Variants in MYLK observed in about 807,000 individuals in gnomAD.
MYLK encodes myosin light chain kinase, smooth muscle.
A neutral mutation model predicts 203.4 loss-of-function variants in MYLK; 106 were observed. The observed-to-expected ratio is 0.52, with a 90% CI of 0.45 to 0.61. The LOEUF is 0.61. Among genes scored for constraint, MYLK ranks in the 20% least tolerant of loss-of-function variants. The pLI is 0.00. For missense variants in MYLK, 2,072 were observed against 2,442.3 expected (o/e 0.85, Z 3.20); for synonymous variants, 867 against 959.5 (o/e 0.90, Z 1.78).
chr3:123,725,359 A>T (rs1287005848), intron 12 of MYLK, among the ~76,000 whole-genome samples: 2 of 152,216 alleles, frequency 1.3e-5, no homozygotes, highest in Non-Finnish European at 2.9e-5. Flanking sequence ...TAAAAAGAAA[A>T]GGGTGATAAT....
In MYLK at chr3:123,732,956, T is replaced by C. The variant is rs771299009; in HGVS notation, c.1456A>G (p.Ser486Gly). The change falls in exon 11 of 34, where the codon AGC (serine) becomes GGC (glycine). Residue 486 changes from serine (S) to glycine (G), a missense_variant. Ser to Gly is a moderately conservative substitution (Grantham distance 56). This residue lies in a region of MYLK where 683 missense variants were observed against 643.8 expected (regional missense o/e 1.06). Transcript: ENST00000360304. Reference sequence around the variant, plus strand: ...CCTTGGGCGTTGGAAGCAGTGCAGCTGTATGTCCCACTGTCCCTGGTCCGG... The same window carrying C: ...CCTTGGGCGTTGGAAGCAGTGCAGCCGTATGTCCCACTGTCCCTGGTCCGG... The part of the protein sequence containing the change: ...KARTRDSGTY[S>G]CTASNAQGQL... 5.0e-6 allele frequency: 8 copies of C among 1,614,188 alleles called. No homozygotes were observed. Among genetic ancestry groups the C allele is most frequent in the Non-Finnish European group, 5.9e-6 (7 of 1,180,038 alleles).
intron 2 of MYLK, among the ~76,000 whole-genome samples, chr3:123,851,927 C>G (rs1200850618): frequency 1.3e-5 from 2 of 152,136 alleles, no homozygotes; most frequent in African/African-American, 4.8e-5. Context: ...CAATCAATAC[C>G]TAAATTACTG....
intron 29 of MYLK, among the ~76,000 whole-genome samples, chr3:123,637,233 C>T (rs1295805358): frequency 6.6e-6 from 1 of 152,214 alleles, no homozygotes; most frequent in Non-Finnish European, 1.5e-5. Context: ...CGTCCGCACC[C>T]TGGGGCTTCA....
At chr3:123,859,161 C>T (rs2031676291) in intron 2 of MYLK, among the ~76,000 whole-genome samples, 1 of 152,148 alleles carries the variant, frequency 6.6e-6, no homozygotes, top group Non-Finnish European at 1.5e-5. Context: ...AAGAGTTCTG[C>T]ATTCTAATGG....
rs1361739212 is a variant in MYLK, at chr3:123,629,591, T to C, written c.4997A>G (p.Asp1666Gly). 3.2e-5 allele frequency: 51 copies of C among 1,614,000 alleles called. No individual in the cohort carries two copies. The highest frequency in any genetic ancestry group is 4.2e-5 in the Non-Finnish European group (50 of 1,180,028). ...SGLSPFMGDN[D>G]NETLANVTSA... ...GGTAACGTTGGCCAAGGTTTCGTTA[T>C]CGTTGTCTCCCATGAAGGGGGAAAG... The change falls in exon 30 of 34, where the codon GAT (aspartate) becomes GGT (glycine). Residue 1666 changes from aspartate (D) to glycine (G), a missense_variant. By Grantham distance (94) the Asp-to-Gly change is moderately conservative. Transcript: ENST00000360304. This position sits in a 1 kb window ranked among gnomAD's most constrained non-coding sequence, Gnocchi z 4.4.
At chr3:123,649,704 C>T (rs1001939142) in intron 24 of MYLK, among the ~76,000 whole-genome samples, 1 of 152,172 alleles carries the variant, frequency 6.6e-6, no homozygotes, top group Non-Finnish European at 1.5e-5. Flanking sequence ...CATGGTCTCT[C>T]CTTTCTTATA....
chr3:123,820,635 CTT>C (rs1402018542), intron 3 of MYLK, among the ~76,000 whole-genome samples: 4 of 142,774 alleles, frequency 2.8e-5, no homozygotes, highest in East Asian at 2.0e-4. Flanking sequence ...TCCTTCCTTC[CTT>C]CCTTCCCTCC....
At chr3:123,683,544 C>T (rs914520685) in intron 19 of MYLK, among the ~76,000 whole-genome samples, 3 of 152,168 alleles carry the variant, frequency 2.0e-5, no homozygotes, top group South Asian at 2.1e-4. Context: ...TTAGGCCCCT[C>T]GCCTTCTCCA....
At chr3:123,732,123 G>T (rs901555637) in intron 11 of MYLK, among the ~76,000 whole-genome samples, 1 of 152,228 alleles carries the variant, frequency 6.6e-6, no homozygotes, top group East Asian at 1.9e-4. Flanking sequence ...TTTCTCAAGG[G>T]TATGGCATGG....
intron 2 of MYLK, among the ~76,000 whole-genome samples, chr3:123,863,656 C>T (rs537437026): frequency 6.6e-6 from 1 of 152,246 alleles, no homozygotes; most frequent in Non-Finnish European, 1.5e-5. Context: ...TAATAGGATA[C>T]TGCCATAGCA....
At chr3:123,837,211 T>C (rs1278698837) in intron 2 of MYLK, among the ~76,000 whole-genome samples, 2 of 152,062 alleles carry the variant, frequency 1.3e-5, no homozygotes, top group Non-Finnish European at 2.9e-5. Context: ...TTTGCACTTT[T>C]AGTAGACACA....
intron 16 of MYLK, among the ~76,000 whole-genome samples, chr3:123,704,402 C>T (rs1173314223): frequency 2.6e-5 from 4 of 152,124 alleles, no homozygotes; most frequent in African/African-American, 7.2e-5. Flanking sequence ...AAATCAGGGC[C>T]GGGGCTGAAG....
chr3:123,721,197 T>C (rs2062073959), intron 13 of MYLK, among the ~76,000 whole-genome samples: 4 of 152,228 alleles, frequency 2.6e-5, no homozygotes, highest in Admixed American at 2.6e-4. Flanking sequence ...AGACAGTGGC[T>C]ACTCATACAA....
Position 123,737,444 on chromosome 3 carries a change from C to T in MYLK, c.688G>A (p.Val230Met), listed in dbSNP as rs1216837997. The T allele has an allele frequency of 6.2e-7, 1 of 1,614,218 alleles. No homozygotes were observed. ...CCGTTCACCACCAGGCACGTGTACACTCCCACGTCATCTTGGTTGACTCCA... is the reference window on the plus strand; with the variant it reads ...CCGTTCACCACCAGGCACGTGTACATTCCCACGTCATCTTGGTTGACTCCA... ...IHGVNQDDVG[V>M]YTCLVVNGSG... is the part of the protein sequence containing the mutation. Residue 230 changes from valine to methionine, a missense_variant, in exon 8 of 34, where the codon GTG becomes ATG. Coordinates refer to ENST00000360304, the MANE Select transcript of MYLK (RefSeq NM_053025.4).
rs183288171 is a variant in MYLK, at chr3:123,648,774, G to A, written c.4415+197C>T. Among the ~76,000 whole-genome samples, 4 of 151,946 alleles carry A rather than the reference G, an allele frequency of 2.6e-5. No individual in the cohort carries two copies. The highest frequency in any genetic ancestry group is 2.6e-4 in the Admixed American group (4 of 15,264). ...TGCAGAGTTGGGGCAGTGTAGGACC[G>A]CATGGGCAACTCTGCAGAGAGTCCT... On this transcript the variant is annotated intron_variant, in intron 26 of 33. Coordinates refer to ENST00000360304, the MANE Select transcript of MYLK (RefSeq NM_053025.4). The surrounding 1 kb of genome is among the most constrained non-coding windows in gnomAD (Gnocchi z 4.5).
intron 23 of MYLK, among the ~76,000 whole-genome samples, chr3:123,662,490 A>C (rs189095745): frequency 6.6e-6 from 1 of 152,340 alleles, no homozygotes; most frequent in Admixed American, 6.5e-5. Flanking sequence ...AGAGGTGAGG[A>C]ACCATAGAAT....
intron 19 of MYLK, chr3:123,692,239 A>C (rs2060704492): frequency 1.0e-6 from 1 of 968,830 alleles, no homozygotes; most frequent in Admixed American, 4.9e-5. Context: ...GTTTTGGCAG[A>C]GGCTGCCCTG....
chr3:123,624,728 G>A (rs962094008), intron 31 of MYLK: 1 of 152,228 alleles, frequency 6.6e-6, no homozygotes, highest in African/African-American at 2.4e-5. Flanking sequence ...AGCTACAGAT[G>A]TTTCAACTCA....
intron 23 of MYLK, among the ~76,000 whole-genome samples, chr3:123,663,223 C>G (rs1047959419): frequency 4.6e-5 from 7 of 152,036 alleles, no homozygotes; most frequent in Non-Finnish European, 8.8e-5. Flanking sequence ...CTGACCAGGG[C>G]ACGAAGACAG....
Sources: gnomAD v4.1 joint callset for allele counts (sites outside exome capture counted in the v4.1 genomes callset) on GRCh38, gnomAD v4.1.1 for gene constraint, gnomAD v4.1.1 regional missense constraint, Gnocchi (gnomAD v3.1) non-coding constraint, MANE v1.5 for transcripts, NCBI Gene and HGNC (gene_info 2026-07-23, HGNC 2026-07-21) for gene names.